MTUS1: variants seen among roughly 807,000 people sequenced by gnomAD.
The protein encoded by MTUS1 is microtubule-associated tumor suppressor 1.
A neutral mutation model predicts 120.8 loss-of-function variants in MTUS1; 109 were observed. That is an observed-to-expected ratio of 0.90 (90% confidence interval 0.77 to 1.06). The LOEUF (loss-of-function observed/expected upper bound fraction) is 1.06. MTUS1 is among the 50% of genes least tolerant of loss of function. MTUS1 has a pLI of 0.00. For missense variants in MTUS1, 2,210 were observed against 1,486.3 expected, an observed-to-expected ratio of 1.49 and a Z score of -8.01; for synonymous variants, 737 against 550.5, an observed-to-expected ratio of 1.34 and a Z score of -4.74.
intron 1 of MTUS1, among the ~76,000 whole-genome samples, chr8:17,763,513 G>C (rs1197132044): frequency 6.6e-6 from 1 of 152,154 alleles, no homozygotes; most frequent in Non-Finnish European, 1.5e-5. Context: ...GAGAAGTGAA[G>C]TGACTTAGTG....
intron 7 of MTUS1, among the ~76,000 whole-genome samples, chr8:17,678,617 C>T (rs1244744381): frequency 6.6e-6 from 1 of 152,064 alleles, no homozygotes; most frequent in African/African-American, 2.4e-5. Flanking sequence ...CTGCATCTGA[C>T]CTCCTCCCCA....
chr8:17,701,451 T>C (rs547361972), intron 6 of MTUS1, among the ~76,000 whole-genome samples: 55 of 152,352 alleles, frequency 3.6e-4, no homozygotes, highest in African/African-American at 1.3e-3. Context: ...TTGCCTTTTA[T>C]TTTGCAATAA....
rs60329223 is a variant in MTUS1 at position 17,698,997 on chromosome 8, T to A, written c.2623+14217A>T. Among the ~76,000 whole-genome samples the A allele has an allele frequency of 1.1e-3, 164 of 152,250 alleles. 2 individuals carry two copies. Among genetic ancestry groups the A allele is most frequent in the Middle Eastern group, 3.4e-3 (1 of 294 alleles). On this transcript the variant is annotated intron_variant, in intron 6 of 14. Transcript: ENST00000693296. ...ACACCTTTTCCTTCCAGATTCTACA[T>A]ACTAAAAATATACCAGAACCTTTTC...
intron 6 of MTUS1, among the ~76,000 whole-genome samples, chr8:17,691,735 C>T (rs1048427004): frequency 3.9e-5 from 6 of 152,010 alleles, no homozygotes; most frequent in African/African-American, 1.4e-4. Context: ...TCTAATATGG[C>T]TTCATTGACG....
intron 7 of MTUS1, among the ~76,000 whole-genome samples, chr8:17,683,698 G>T (rs1037556213): frequency 3.9e-5 from 6 of 152,048 alleles, no homozygotes; most frequent in African/African-American, 1.4e-4. Flanking sequence ...TGCCCCCTGA[G>T]ATAATTACAG....
chr8:17,644,964 A>C lies in MTUS1; in HGVS notation c.*962T>G, dbSNP rs984160480. On this transcript the variant is annotated 3_prime_UTR_variant, in exon 15 of 15. Coordinates refer to ENST00000693296, the MANE Select transcript of MTUS1 (RefSeq NM_001363059.2). ...GTAAAAGGAAAATGAGAATAATGGG[A>C]GGGAAGAAGACAGGTTAAATCTGCA... is the stretch of plus-strand genomic sequence containing the variant. 2 of 152,412 alleles carry C rather than the reference A, an allele frequency of 1.3e-5. No individual in the cohort carries two copies. The highest frequency in any genetic ancestry group is 2.9e-5 in the Non-Finnish European group (2 of 68,040). 9.4% of individuals were successfully genotyped at this position (152,412 alleles called of 1,614,324 possible). A position where few individuals can be genotyped will look rare whatever the true frequency, so the allele number is the denominator to read the frequency against.
chr8:17,715,844 T>C lies in MTUS1; in HGVS notation c.2507A>G (p.Asn836Ser). Residue 836 changes from asparagine (N) to serine (S), a missense_variant, in exon 5 of 15, where the codon AAT becomes AGT. Physicochemically the swap from Asn to Ser is conservative, Grantham distance 46 (BLOSUM62 1). Coordinates refer to ENST00000693296, the MANE Select transcript of MTUS1 (RefSeq NM_001363059.2). The part of the protein sequence containing the change: ...EEKPPKPAFQ[N>S]GSSGSFYLKP... ...CAAATAAAAGGATCCTGAGGAACCA[T>C]TCTGAAATGCTGGTTTTGGAGGTTT... 2 of 1,613,970 alleles carry C rather than the reference T, an allele frequency of 1.2e-6. No homozygotes were observed. Among genetic ancestry groups the C allele is most frequent in the Non-Finnish European group, 8.5e-7 (1 of 1,179,870 alleles).
chr8:17,712,689 G>A (rs1195424050), intron 6 of MTUS1, among the ~76,000 whole-genome samples: 1 of 152,064 alleles, frequency 6.6e-6, no homozygotes, highest in Non-Finnish European at 1.5e-5. Flanking sequence ...CAAAGTATAG[G>A]AATCGCAGTG....
chr8:17,743,701 C>T lies in MTUS1; in HGVS notation c.2190G>A (p.Gly730=), dbSNP rs748062898. Residue 730 remains glycine (G), a synonymous_variant, in exon 3 of 15, where the codon GGG becomes GGA. Coordinates refer to ENST00000693296, the MANE Select transcript of MTUS1 (RefSeq NM_001363059.2). Reference sequence around the variant, plus strand: ...TCCGCCTCAAACAGGAAACAGGGGGCCCCACTTTGGCTTTTGGAGCAGCTA... The same window carrying T: ...TCCGCCTCAAACAGGAAACAGGGGGTCCCACTTTGGCTTTTGGAGCAGCTA... ...RQIAAPKAKV[G]PPVSCLRRNS... is the part of the protein sequence containing the mutation. 1.5e-5 allele frequency: 25 copies of T among 1,614,010 alleles called. No homozygotes were observed. Among genetic ancestry groups the T allele is most frequent in the Non-Finnish European group, 2.0e-5 (24 of 1,180,026 alleles).
intron 1 of MTUS1, among the ~76,000 whole-genome samples, chr8:17,787,599 G>C (rs1223679384): frequency 1.3e-5 from 2 of 152,112 alleles, no homozygotes; most frequent in Non-Finnish European, 2.9e-5. Flanking sequence ...TCAGGAACTG[G>C]GTTACCTGTT....
intron 7 of MTUS1, among the ~76,000 whole-genome samples, chr8:17,676,790 A>C (rs566067219): frequency 5.9e-5 from 9 of 152,292 alleles, no homozygotes; most frequent in Middle Eastern, 3.4e-3. Flanking sequence ...TTCGAAGCCC[A>C]TATACTAAAT....
intron 4 of MTUS1, among the ~76,000 whole-genome samples, chr8:17,720,170 C>T (rs1191920133): frequency 1.3e-5 from 2 of 151,988 alleles, no homozygotes; most frequent in Non-Finnish European, 2.9e-5. Flanking sequence ...CATGGTGAAA[C>T]CCCATCTCTA....
chr8:17,696,398 G>A (rs2130873751), intron 6 of MTUS1, among the ~76,000 whole-genome samples: 1 of 152,280 alleles, frequency 6.6e-6, no homozygotes, highest in African/African-American at 2.4e-5. Flanking sequence ...ACGTGCACAT[G>A]AAGCAGAAAC....
At position 17,753,753 on chromosome 8, in the gene MTUS1, A is replaced by T. The variant is rs2048367546; in HGVS notation, c.2055T>A (p.Ile685=). 6.2e-7 allele frequency: 1 copy of T among 1,610,780 alleles called. No individual in the cohort carries two copies. Among genetic ancestry groups the T allele is most frequent in the African/African-American group, 1.3e-5 (1 of 74,594 alleles). Residue 685 remains isoleucine (I), a synonymous_variant, in exon 2 of 15, where the codon ATT becomes ATA. Coordinates refer to ENST00000693296, the MANE Select transcript of MTUS1 (RefSeq NM_001363059.2). ...AACCATATTCAAAAGTCTCATTCAT[A>T]ATCTCTTGTTTCAGCTCTTGTTTTT... ...SMEKQELKQE[I]MNETFEYGSL...
intron 8 of MTUS1, among the ~76,000 whole-genome samples, chr8:17,669,833 G>C (rs1048261603): frequency 6.9e-6 from 1 of 145,074 alleles, no homozygotes; most frequent in Non-Finnish European, 1.5e-5. Flanking sequence ...TGACAGGGTA[G>C]AAAACTCCTT....
In MTUS1 at chr8:17,795,536, A is replaced by G. The variant is rs192223961; in HGVS notation, c.-155+5525T>C. Among the ~76,000 whole-genome samples the G allele has an allele frequency of 2.0e-5, 3 of 151,554 alleles. No individual in the cohort carries two copies. The East Asian group carries it at 6.0e-4, about 30-fold the overall frequency. On this transcript the variant is annotated intron_variant, in intron 1 of 14. Transcript: ENST00000693296. ...ATTCCTAGTCTGTTCTTCCCTTTAG[A>G]TGAGTTCACACTGTGTCCTAGCAAT... is the stretch of plus-strand genomic sequence containing the variant.
intron 8 of MTUS1, among the ~76,000 whole-genome samples, chr8:17,660,264 T>G (rs947841332): frequency 1.3e-5 from 2 of 152,044 alleles, no homozygotes; most frequent in Admixed American, 6.6e-5. Context: ...TCCCAGCTAC[T>G]CGGGAGGCTG....
chr8:17,725,218 G>C (rs1771126129), intron 3 of MTUS1, among the ~76,000 whole-genome samples: 1 of 152,122 alleles, frequency 6.6e-6, no homozygotes, highest in Non-Finnish European at 1.5e-5. Context: ...TGACATTGTT[G>C]CGTATCACTA....
At chr8:17,760,145 G>C (rs2048928901) in intron 1 of MTUS1, among the ~76,000 whole-genome samples, 1 of 150,550 alleles carries the variant, frequency 6.6e-6, no homozygotes, top group African/African-American at 2.4e-5. Context: ...GGGCCCAGTA[G>C]TTCACAGCTG....
Sources: allele counts gnomAD v4.1 joint callset (sites outside exome capture counted in the v4.1 genomes callset), GRCh38; gene constraint gnomAD v4.1.1; transcripts MANE v1.5; gene names NCBI Gene and HGNC (gene_info 2026-07-23, HGNC 2026-07-21).